The following MAPT variants were observed in gnomAD, a reference collection of about 807,000 sequenced individuals.
The protein encoded by MAPT is microtubule-associated protein tau.
In MAPT, 34 loss-of-function variants were observed where a neutral mutation model predicts 67.9. That is an observed-to-expected ratio of 0.50 (90% CI 0.38 to 0.67). The LOEUF (loss-of-function observed/expected upper bound fraction) is 0.67. Among genes scored for constraint, MAPT ranks in the 30% least tolerant of loss-of-function variants. MAPT has a pLI of 0.00. For synonymous variants in MAPT, 456 were observed against 464.5 expected, an observed-to-expected ratio of 0.98 and a Z score of 0.23; for missense variants, 881 against 1,115.2, an observed-to-expected ratio of 0.79 and a Z score of 2.99.
intron 9 of MAPT, among the ~76,000 whole-genome samples, chr17:46,000,426 G>A (rs1472303079): frequency 6.6e-6 from 1 of 152,204 alleles, no homozygotes. Flanking sequence ...AGCTGGGTAG[G>A]GGTAGAGATT....
intron 1 of MAPT, among the ~76,000 whole-genome samples, chr17:45,958,236 A>G (rs998666767): frequency 2.6e-5 from 4 of 152,230 alleles, no homozygotes; most frequent in African/African-American, 9.6e-5. Flanking sequence ...GGAATAAATC[A>G]CAAAGGAAAA....
At chr17:46,018,957 A>C (rs1158670316) in intron 12 of MAPT, among the ~76,000 whole-genome samples, 2 of 152,186 alleles carry the variant, frequency 1.3e-5, no homozygotes, top group Non-Finnish European at 2.9e-5. Flanking sequence ...AGGCTGACCA[A>C]TGGGTCTCAG....
intron 1 of MAPT, among the ~76,000 whole-genome samples, chr17:45,959,181 G>A (rs996168684): frequency 6.6e-6 from 1 of 152,150 alleles, no homozygotes; most frequent in Non-Finnish European, 1.5e-5. Flanking sequence ...AAGGTACAGA[G>A]ACTTCCCGTA....
rs984681326 is a variant in MAPT, at chr17:46,025,244, C to G, written c.*1073C>G. The G allele has an allele frequency of 2.6e-5, 4 of 152,982 alleles. No individual in the cohort carries two copies. The highest frequency in any genetic ancestry group is 6.5e-5 in the Admixed American group (1 of 15,292). 9.5% of individuals were successfully genotyped at this position (152,982 alleles called of 1,614,324 possible). A position where few individuals can be genotyped will look rare whatever the true frequency, so the allele number is the denominator to read the frequency against. ...GTTTCCAAGCCTGGGCCACTGGCAT[C>G]TCTGGAGTGTGTGGGGGTCTGGGAG... On this transcript the variant is annotated 3_prime_UTR_variant, in exon 13 of 13. Transcript: ENST00000262410.
chr17:45,998,662 G>A (rs1175494854), intron 9 of MAPT, among the ~76,000 whole-genome samples: 2 of 152,178 alleles, frequency 1.3e-5, no homozygotes, highest in Non-Finnish European at 2.9e-5. Context: ...ACAGTGGCCT[G>A]GTTAGAGACC....
In MAPT at chr17:45,964,283, G is replaced by T. The variant is rs535277419; in HGVS notation, c.133+1813G>T. Among the ~76,000 whole-genome samples, 124 of 151,892 alleles carry T rather than the reference G, an allele frequency of 8.2e-4. 4 individuals carry two copies. In the South Asian group the frequency reaches 0.013, roughly 16 times the overall value. Reference sequence around the variant, plus strand: ...GCAGGTTTGTTACATATGTATACATGTGCCATGTTGGTGTGCTGCACCCAT... The same window carrying T: ...GCAGGTTTGTTACATATGTATACATTTGCCATGTTGGTGTGCTGCACCCAT... On this transcript the variant is annotated intron_variant, in intron 2 of 12. Transcript: ENST00000262410.
At chr17:45,946,201 A>T (rs1422697767) in intron 1 of MAPT, among the ~76,000 whole-genome samples, 1 of 152,110 alleles carries the variant, frequency 6.6e-6, no homozygotes, top group East Asian at 1.9e-4. Context: ...TTTCAGGCAG[A>T]TTAAAGTGGT....
At chr17:45,990,440 C>A (rs1229859640) in intron 7 of MAPT, 3 of 433,914 alleles carry the variant, frequency 6.9e-6, no homozygotes, top group East Asian at 1.3e-4. Context: ...ATGGCAAAAC[C>A]CTGTCTCTAC....
chr17:46,023,606 G>A (rs2076664469), intron 12 of MAPT, among the ~76,000 whole-genome samples: 1 of 152,230 alleles, frequency 6.6e-6, no homozygotes, highest in African/African-American at 2.4e-5. Context: ...CTGAGAGGCT[G>A]AGGCGGGCAG....
rs572586412 is a variant in MAPT at position 45,950,827 on chromosome 17, T to G, written c.-17-11494T>G. Among the ~76,000 whole-genome samples the G allele has an allele frequency of 6.6e-5, 10 of 152,148 alleles. No individual in the cohort carries two copies. In the East Asian group the frequency reaches 1.9e-3, roughly 29 times the overall value. ...ACAGATATGTGCCACTATGCCCAGC[T>G]AATTTTTGTATTTTTAGTAGAGACG... On this transcript the variant is annotated intron_variant, in intron 1 of 12. Coordinates refer to ENST00000262410, the MANE Select transcript of MAPT (RefSeq NM_001377265.1).
chr17:45,972,081 G>C (rs752386337), intron 3 of MAPT, 136 bp downstream of exon 3: 5 of 736,968 alleles, frequency 6.8e-6, no homozygotes, highest in Middle Eastern at 4.5e-4. Context: ...GCAGGACAGC[G>C]TGGTGGGAGC....
At chr17:45,942,914 G>A (rs1196409454) in intron 1 of MAPT, among the ~76,000 whole-genome samples, 1 of 152,232 alleles carries the variant, frequency 6.6e-6, no homozygotes, top group African/African-American at 2.4e-5. Context: ...GAAGGATTCG[G>A]AGTGGACTCC....
intron 1 of MAPT, among the ~76,000 whole-genome samples, chr17:45,929,380 G>A (rs1313560213): frequency 6.6e-6 from 1 of 152,174 alleles, no homozygotes; most frequent in Non-Finnish European, 1.5e-5. Context: ...TCTTTCAATT[G>A]CAAGTAATAG....
At chr17:45,929,690 ATTG>A (rs1171982940) in intron 1 of MAPT, among the ~76,000 whole-genome samples, 3 of 152,184 alleles carry the variant, frequency 2.0e-5, no homozygotes, top group East Asian at 3.8e-4. Context: ...TGTTGTTGTT[ATTG>A]TTGTTTTAAA....
At position 46,018,749 on chromosome 17, in the gene MAPT, G is replaced by A. The variant is rs1371205192; in HGVS notation, c.2286+19G>A. On this transcript the variant is annotated intron_variant, in intron 12 of 12. Coordinates refer to ENST00000262410, the MANE Select transcript of MAPT (RefSeq NM_001377265.1). ...TAAAAAGGTAAAGGGGGTAGGGTGG[G>A]TTGGATGCTGCCCTTGGGTATATGG... 6.5e-7 allele frequency: 1 copy of A among 1,539,446 alleles called. No individual in the cohort carries two copies. The highest frequency in any genetic ancestry group is 1.7e-5 in the Admixed American group (1 of 59,954).
At chr17:45,954,301 CA>C (rs1238959857) in intron 1 of MAPT, among the ~76,000 whole-genome samples, 2 of 152,166 alleles carry the variant, frequency 1.3e-5, no homozygotes, top group Non-Finnish European at 2.9e-5. Context: ...CCACGTGGCC[CA>C]CAAAGCCTTA....
chr17:45,997,370 C>T lies in MAPT; in HGVS notation c.1998+706C>T, dbSNP rs547252637. Among the ~76,000 whole-genome samples, 3 of 152,340 alleles carry T rather than the reference C, an allele frequency of 2.0e-5. No individual in the cohort carries two copies. The South Asian group carries it at 6.2e-4, about 32-fold the overall frequency. On this transcript the variant is annotated intron_variant, in intron 9 of 12. Coordinates refer to ENST00000262410, the MANE Select transcript of MAPT (RefSeq NM_001377265.1). ...GGCGGGTGGGTTTCTTCCAAGGCCTCTCTGTGGCCGTGGGTAGCCACCTCT... is the reference window on the plus strand; with the variant it reads ...GGCGGGTGGGTTTCTTCCAAGGCCTTTCTGTGGCCGTGGGTAGCCACCTCT...
At chr17:45,942,346 G>A (rs242557) in intron 1 of MAPT, among the ~76,000 whole-genome samples, 55,383 of 152,140 alleles carry the variant, frequency 0.36, 10,367 homozygotes, top group East Asian at 0.56. Flanking sequence ...CGCCCAGGGT[G>A]CACCAGGACA....
At chr17:46,014,544 C>G (rs1258078508) in intron 11 of MAPT, among the ~76,000 whole-genome samples, 1 of 152,022 alleles carries the variant, frequency 6.6e-6, no homozygotes, top group Non-Finnish European at 1.5e-5. Flanking sequence ...CAAGGTGAGG[C>G]GGGAGTGAAG....
Sources: allele counts gnomAD v4.1 joint callset (sites outside exome capture counted in the v4.1 genomes callset), GRCh38; gene constraint gnomAD v4.1.1; transcripts MANE v1.5; gene names NCBI Gene and HGNC (gene_info 2026-07-23, HGNC 2026-07-21).